PFKFB3: variants seen among roughly 807,000 people sequenced by gnomAD.
PFKFB3 encodes 6-phosphofructo-2-kinase/fructose-2,6-biphosphatase 3.
Under a neutral mutation model 68.0 loss-of-function variants are expected in PFKFB3, and 33 were observed. The ratio of observed to expected loss-of-function variants is 0.49; its 90% confidence interval spans 0.37 to 0.65. The LOEUF (loss-of-function observed/expected upper bound fraction) is 0.65, where lower values mean the gene tolerates loss of function less well. PFKFB3 is among the 30% of genes least tolerant of loss of function. PFKFB3 has a pLI of 0.00. For synonymous variants in PFKFB3, 315 were observed against 288.2 expected (o/e 1.09, Z -0.94); for missense variants, 586 against 712.2 (o/e 0.82, Z 2.02).
intron 2 of PFKFB3, among the ~76,000 whole-genome samples, chr10:6,214,361 C>T (rs1227361202): frequency 7.8e-6 from 1 of 127,742 alleles, no homozygotes; most frequent in Non-Finnish European, 1.6e-5. Flanking sequence ...GCCGTACACC[C>T]ACAACCCCTC....
the PFKFB3 span, chr10:6,293,819 T>C: frequency 2.4e-6 from 1 of 408,178 alleles, no homozygotes; most frequent in Non-Finnish European, 5.0e-6. Context: ...TCACCATTGA[T>C]TTGGAGTACT....
chr10:6,289,331 G>A, the PFKFB3 span, among the ~76,000 whole-genome samples: 36 of 151,644 alleles, frequency 2.4e-4, no homozygotes, highest in Non-Finnish European at 4.6e-4. Context: ...GGTTTTTATG[G>A]TTTTAGGTCT....
chr10:6,280,343 T>C, the PFKFB3 span, among the ~76,000 whole-genome samples: 1 of 152,206 alleles, frequency 6.6e-6, no homozygotes, highest in Non-Finnish European at 1.5e-5. Flanking sequence ...CGATTGGGCA[T>C]GGGCCATGTC....
chr10:6,260,087 C>T, the PFKFB3 span, among the ~76,000 whole-genome samples: 14 of 152,108 alleles, frequency 9.2e-5, no homozygotes, highest in East Asian at 9.6e-4. Context: ...TATAATTTAT[C>T]GCCAAACAAA....
chr10:6,273,414 C>T, the PFKFB3 span, among the ~76,000 whole-genome samples: 24 of 152,076 alleles, frequency 1.6e-4, 1 homozygote, highest in African/African-American at 4.8e-4. Context: ...GGATCCCCGC[C>T]GCCATGCAAC....
rs539348050 is a variant in PFKFB3, at chr10:6,228,597, G to C, written c.1515+2232G>C. ...GCTGCATCTGTGCCAGGTGCCATTA[G>C]CCTTAAAGCCCCCTCCTGCCCCAGG... On this transcript the variant is annotated intron_variant, in intron 14 of 14. Coordinates refer to ENST00000379775, the MANE Select transcript of PFKFB3 (RefSeq NM_004566.4). The surrounding 1 kb of genome is among the most constrained non-coding windows in gnomAD (Gnocchi z 4.5). 3.9e-5 allele frequency among the ~76,000 whole-genome samples: 6 copies of C among 152,138 alleles called. No individual in the cohort carries two copies. Among genetic ancestry groups the C allele is most frequent in the Non-Finnish European group, 8.8e-5 (6 of 68,022 alleles).
chr10:6,171,399 T>C (rs1332170022), intron 1 of PFKFB3, among the ~76,000 whole-genome samples: 2 of 150,592 alleles, frequency 1.3e-5, no homozygotes, highest in Admixed American at 6.7e-5. Context: ...GTTCTTTCTT[T>C]CTTTTTTTTT....
intron 1 of PFKFB3, chr10:6,163,712 C>T (rs929113637): frequency 9.3e-5 from 14 of 151,314 alleles, no homozygotes; most frequent in African/African-American, 3.4e-4. Flanking sequence ...GGGGGCGGGG[C>T]CTGGGGGTGG....
Position 6,221,696 on chromosome 10 carries a change from A to G in PFKFB3, c.1034A>G (p.Tyr345Cys), listed in dbSNP as rs765237852. Residue 345 changes from tyrosine (Y) to cysteine (C), a missense_variant, in exon 10 of 15, where the codon TAT (tyrosine) becomes TGT (cysteine). Tyr to Cys is a radical substitution (Grantham distance 194, BLOSUM62 -2). Coordinates refer to ENST00000379775, the MANE Select transcript of PFKFB3 (RefSeq NM_004566.4). ...ATCAGGGACACCTACCCTGAGGAGT[A>G]TGCGCTGCGGGAGCAGGACAAGTAC... ...EEIRDTYPEEYALREQDKYYY... is the reference protein window; with the variant it reads ...EEIRDTYPEECALREQDKYYY... The G allele has an allele frequency of 6.2e-7, 1 of 1,610,470 alleles. No homozygotes were observed. Among genetic ancestry groups the G allele is most frequent in the Admixed American group, 1.7e-5 (1 of 59,396 alleles).
At chr10:6,292,278 CTT>C in the PFKFB3 span, among the ~76,000 whole-genome samples, 9 of 54,306 alleles carry the variant, frequency 1.7e-4, no homozygotes, top group African/African-American at 5.9e-4. Context: ...TTTTTTTTTT[CTT>C]TTTTTTTTTT....
At position 6,226,298 on chromosome 10, in the gene PFKFB3, T is replaced by C. The variant is rs1390885846; in HGVS notation, c.1448T>C (p.Val483Ala). 2 of 1,614,168 alleles carry C rather than the reference T, an allele frequency of 1.2e-6. No individual in the cohort carries two copies. Among genetic ancestry groups the C allele is most frequent in the South Asian group, 1.1e-5 (1 of 91,088 alleles). ...KPRINSFEEH[V>A]ASTSAALPSC... ...CGCATCAACAGCTTTGAGGAGCATG[T>C]GGCCTCCACCTCGGCCGCCCTGCCC... Residue 483 changes from valine to alanine, a missense_variant, in exon 14 of 15, where the codon GTG (valine) becomes GCG (alanine). Coordinates refer to ENST00000379775, the MANE Select transcript of PFKFB3 (RefSeq NM_004566.4).
chr10:6,161,736 G>A (rs1430575951), intron 1 of PFKFB3, among the ~76,000 whole-genome samples: 1 of 152,026 alleles, frequency 6.6e-6, no homozygotes, highest in East Asian at 1.9e-4. Flanking sequence ...GGGCTCAAGC[G>A]ATCCTCCCAC....
intron 6 of PFKFB3, among the ~76,000 whole-genome samples, 179 bp downstream of exon 6, chr10:6,217,370 C>T (rs1377599548): frequency 6.6e-6 from 1 of 152,202 alleles, no homozygotes; most frequent in Admixed American, 6.5e-5. Context: ...AACCCAGAGG[C>T]CTGTCCTGTG....
At position 6,151,973 on chromosome 10, in the gene PFKFB3, T is replaced by TAAAA. The variant is rs71294421; in HGVS notation, c.16+6971_16+6974dup. Among the ~76,000 whole-genome samples, 1,006 of 141,428 alleles carry TAAAA rather than the reference T, an allele frequency of 7.1e-3. 5 individuals are homozygous for TAAAA. The highest frequency in any genetic ancestry group is 0.011 in the Non-Finnish European group (726 of 64,918). The allele number at this position is 141,428 out of a possible 152,430, so 92.8% of individuals were successfully genotyped here. ...TTCACATTAGAATTAACTGGGGAGC[T>TAAAA]AAAAAAAAAAAAAACCTGATGCCCC... On this transcript the variant is annotated intron_variant, in intron 1 of 14. Transcript: ENST00000379789.
In PFKFB3 at chr10:6,146,755, C is replaced by T. The variant is rs1257696309; in HGVS notation, c.16+1742C>T. 2.0e-5 allele frequency among the ~76,000 whole-genome samples: 3 copies of T among 152,204 alleles called. No individual in the cohort carries two copies. In the East Asian group the frequency reaches 5.8e-4, roughly 29 times the overall value. ...GTATTGTTTGCATATGAAGATTTTG[C>T]TTTATGACAGCGTATTTTAGTGCAT... On this transcript the variant is annotated intron_variant, in intron 1 of 14. Transcript: ENST00000379789.
At chr10:6,145,879 C>G (rs1302876264) in intron 1 of PFKFB3, among the ~76,000 whole-genome samples, 1 of 152,230 alleles carries the variant, frequency 6.6e-6, no homozygotes, top group African/African-American at 2.4e-5. Context: ...CACCGGACCC[C>G]GGTTTACAGG....
At chr10:6,231,126 C>T (rs1588545534) in intron 14 of PFKFB3, 8 of 699,954 alleles carry the variant, frequency 1.1e-5, no homozygotes, top group Middle Eastern at 2.4e-4. Context: ...TGCTTGGGAT[C>T]GAGAGATCAC....
upstream of PFKFB3, among the ~76,000 whole-genome samples, chr10:6,199,933 G>A (rs1409668294): frequency 6.6e-6 from 1 of 151,784 alleles, no homozygotes; most frequent in Admixed American, 6.6e-5. Flanking sequence ...GCTAAATTAG[G>A]ATTCCACTCA....
intron 1 of PFKFB3, among the ~76,000 whole-genome samples, chr10:6,213,236 T>C (rs1466103061): frequency 6.6e-6 from 1 of 152,022 alleles, no homozygotes; most frequent in African/African-American, 2.4e-5. Flanking sequence ...GGAGATGAAA[T>C]GAAAATTTCG....
Sources: gnomAD v4.1 joint callset for allele counts (sites outside exome capture counted in the v4.1 genomes callset) on GRCh38, gnomAD v4.1.1 for gene constraint, Gnocchi (gnomAD v3.1) non-coding constraint, MANE v1.5 for transcripts, NCBI Gene and HGNC (gene_info 2026-07-23, HGNC 2026-07-21) for gene names.